BRSK1: variants seen among roughly 807,000 people sequenced by gnomAD.
BRSK1 encodes the protein serine/threonine-protein kinase BRSK1.
A neutral mutation model predicts 86.2 loss-of-function variants in BRSK1; 17 were observed. That is an observed-to-expected ratio of 0.20 (90% CI 0.14 to 0.30). The LOEUF (loss-of-function observed/expected upper bound fraction) is 0.30, where lower values mean the gene tolerates loss of function less well. Ranked by LOEUF, BRSK1 falls within the 10% of genes least tolerant of loss-of-function variation. BRSK1 has a pLI of 1.00. For missense variants in BRSK1, 719 were observed against 1,071.9 expected, an observed-to-expected ratio of 0.67 and a Z score of 4.60; for synonymous variants, 464 against 440.1, an observed-to-expected ratio of 1.05 and a Z score of -0.68.
chr19:55,296,708 A>T (rs528422309), intron 7 of BRSK1, among the ~76,000 whole-genome samples: 1 of 151,930 alleles, frequency 6.6e-6, no homozygotes, highest in Non-Finnish European at 1.5e-5. Context: ...ATTAGCCGGG[A>T]GTGGTGGCGG....
chr19:55,301,899 C>G (rs944471339), intron 8 of BRSK1, among the ~76,000 whole-genome samples: 3 of 152,198 alleles, frequency 2.0e-5, no homozygotes, highest in African/African-American at 7.2e-5. Flanking sequence ...AGGAGGCGAA[C>G]AGGATGCCAC....
rs994439392 is a variant in BRSK1 at position 55,298,643 on chromosome 19, A to G, written c.679-2869A>G. Among the ~76,000 whole-genome samples, 4 of 152,236 alleles carry G rather than the reference A, an allele frequency of 2.6e-5. No individual in the cohort carries two copies. In the South Asian group the frequency reaches 6.2e-4, roughly 24 times the overall value. ...AACCTGAGCCGCCCACCCAAGGTGC[A>G]GGTTTCCGGCTGAGGTCAAACAAAG... On this transcript the variant is annotated intron_variant, in intron 7 of 18. Coordinates refer to ENST00000309383, the MANE Select transcript of BRSK1 (RefSeq NM_032430.2).
At chr19:55,301,931 C>T in intron 8 of BRSK1, 2 of 794,500 alleles carry the variant, frequency 2.5e-6, no homozygotes, top group Non-Finnish European at 4.3e-6. Flanking sequence ...CAAAGTAATG[C>T]GGCCGGTCCG....
At position 55,302,178 on chromosome 19, in the gene BRSK1, G is replaced by T. The variant is rs370592482; in HGVS notation, c.857+10G>T. The T allele has an allele frequency of 1.9e-6, 3 of 1,613,968 alleles. No individual in the cohort carries two copies. In the African/African-American group the frequency reaches 4.0e-5, roughly 22 times the overall value. On this transcript the variant is annotated intron_variant, in intron 9 of 18. Coordinates refer to ENST00000309383, the MANE Select transcript of BRSK1 (RefSeq NM_032430.2). This position sits in a 1 kb window ranked among gnomAD's most constrained non-coding sequence, Gnocchi z 6.3. ...AACATCCTTGGTACCTGTGAGTATGGGGTAACTGGACTCTTGGGTCCCTGG... is the reference window on the plus strand; with the variant it reads ...AACATCCTTGGTACCTGTGAGTATGTGGTAACTGGACTCTTGGGTCCCTGG...
At position 55,312,121 on chromosome 19, in the gene BRSK1, C is replaced by A; in HGVS notation, c.*53C>A. 1.3e-6 allele frequency: 1 copy of A among 766,208 alleles called. No homozygotes were observed. Among genetic ancestry groups the A allele is most frequent in the Non-Finnish European group, 2.0e-6 (1 of 492,186 alleles). The allele number at this position is 766,208 out of a possible 1,614,324, so 47.5% of individuals were successfully genotyped here. On this transcript the variant is annotated 3_prime_UTR_variant, in exon 19 of 19. Transcript: ENST00000309383. ...CCCCCTCCACCCCCCTTCCGTGCCC[C>A]CCAACTGTGAATCTGTAAATAAGGC...
Position 55,304,614 on chromosome 19 carries a change from C to T in BRSK1, c.1411C>T (p.Pro471Ser). Residue 471 changes from proline to serine, a missense_variant, in exon 14 of 19, where the codon CCG becomes TCG. This residue lies in a region of BRSK1 where 143 missense variants were observed against 120.1 expected (regional missense o/e 1.19). Transcript: ENST00000309383. This position sits in a 1 kb window ranked among gnomAD's most constrained non-coding sequence, Gnocchi z 5.2. ...AGDEARGGGSPTSKTQTLPSR... is the reference protein window; with the variant it reads ...AGDEARGGGSSTSKTQTLPSR... Reference sequence around the variant, plus strand: ...AGATGAGGCTCGAGGCGGGGGCTCCCCGACTTCCAAAACGCAGACGCTGCC... The same window carrying T: ...AGATGAGGCTCGAGGCGGGGGCTCCTCGACTTCCAAAACGCAGACGCTGCC... The T allele has an allele frequency of 1.3e-6, 2 of 1,562,104 alleles. No individual in the cohort carries two copies. Among genetic ancestry groups the T allele is most frequent in the Non-Finnish European group, 8.7e-7 (1 of 1,155,992 alleles).
At position 55,294,156 on chromosome 19, in the gene BRSK1, A is replaced by T; in HGVS notation, c.575+23A>T. ...CGGGTGAGTGGGGACTGGGCTCCCG[A>T]GACCCTGGGCAGGGGTTTAGAAGCT... On this transcript the variant is annotated intron_variant, in intron 5 of 18. Transcript: ENST00000309383. The surrounding 1 kb of genome is among the most constrained non-coding windows in gnomAD (Gnocchi z 4.9). The T allele has an allele frequency of 6.2e-7, 1 of 1,611,506 alleles. No homozygotes were observed. Among genetic ancestry groups the T allele is most frequent in the African/African-American group, 1.3e-5 (1 of 74,992 alleles).
At chr19:55,284,614 G>T (rs748415971) in intron 1 of BRSK1, 36 bp downstream of exon 1, 3 of 1,269,628 alleles carry the variant, frequency 2.4e-6, no homozygotes, top group African/African-American at 1.5e-5. Flanking sequence ...GGGGCGGGGG[G>T]CAGGGTGGAG....
intron 16 of BRSK1, among the ~76,000 whole-genome samples, chr19:55,305,798 A>T (rs757832796): frequency 2.0e-5 from 3 of 152,192 alleles, no homozygotes; most frequent in Non-Finnish European, 1.5e-5. Flanking sequence ...CTGAATTGCA[A>T]TGTCCTCAAG....
In BRSK1 at chr19:55,287,808, C is replaced by T. The variant is rs1042096564; in HGVS notation, c.317+509C>T. 4.6e-5 allele frequency among the ~76,000 whole-genome samples: 7 copies of T among 152,186 alleles called. No homozygotes were observed. The highest frequency in any genetic ancestry group is 2.1e-4 in the South Asian group (1 of 4,828). On this transcript the variant is annotated intron_variant, in intron 3 of 18. Transcript: ENST00000309383. This position sits in a 1 kb window ranked among gnomAD's most constrained non-coding sequence, Gnocchi z 5.3. ...AGTCACTATCTCAAAGTCAATCACC[C>T]GCCAGGAAGGATGGGGGTGGGGGTC...
chr19:55,303,125 T>G lies in BRSK1; in HGVS notation c.1029-186T>G. On this transcript the variant is annotated intron_variant, in intron 10 of 18. Coordinates refer to ENST00000309383, the MANE Select transcript of BRSK1 (RefSeq NM_032430.2). The surrounding 1 kb of genome is among the most constrained non-coding windows in gnomAD (Gnocchi z 5.1). ...CTTGCCTGGATGTTAGGTGTTACAG[T>G]GTTATTATAATTGAGTGAAACACAG... 1.6e-6 allele frequency: 1 copy of G among 634,622 alleles called. No homozygotes were observed. 39.3% of individuals were successfully genotyped at this position (634,622 alleles called of 1,614,324 possible).
chr19:55,301,700 G>A (rs944397888), intron 8 of BRSK1, 42 bp downstream of exon 8: 2 of 1,593,166 alleles, frequency 1.3e-6, no homozygotes, highest in East Asian at 2.2e-5. Context: ...AACAGTGGCC[G>A]ATGAAGACAG....
chr19:55,293,681 C>T (rs976692997), intron 4 of BRSK1, among the ~76,000 whole-genome samples: 1 of 143,118 alleles, frequency 7.0e-6, no homozygotes, highest in East Asian at 2.2e-4. Flanking sequence ...CATGGTGGTG[C>T]GGCCTGTAGT....
At chr19:55,296,173 C>A (rs575491180) in intron 7 of BRSK1, among the ~76,000 whole-genome samples, 1 of 152,200 alleles carries the variant, frequency 6.6e-6, no homozygotes, top group South Asian at 2.1e-4. Context: ...AGGTCAGACC[C>A]CCCTGTGGTA....
intron 4 of BRSK1, among the ~76,000 whole-genome samples, chr19:55,292,452 A>C (rs2607336): frequency 0.5 from 75,508 of 152,022 alleles, 19,088 homozygotes; most frequent in Middle Eastern, 0.6. Flanking sequence ...TGGCCCTAAG[A>C]TGATCATGGA....
rs2088807035 is a variant in BRSK1 at position 55,311,904 on chromosome 19, C to CGGG, written c.2180-7_2180-6insGGG. On this transcript the variant is annotated splice_region_variant and splice_polypyrimidine_tract_variant and intron_variant, in intron 18 of 18. Transcript: ENST00000309383. ...GAACCCACGAAAAACCTCTTCCTCCCTTGCAGACGAGAAGAACGGGGCCCA... is the reference window on the plus strand; with the variant it reads ...GAACCCACGAAAAACCTCTTCCTCCCGGGTTGCAGACGAGAAGAACGGGGCCCA... 4.3e-6 allele frequency: 7 copies of CGGG among 1,611,292 alleles called. No homozygotes were observed. The East Asian group carries it at 1.6e-4, about 36-fold the overall frequency.
intron 1 of BRSK1, among the ~76,000 whole-genome samples, chr19:55,285,537 G>A (rs1374267725): frequency 6.6e-6 from 1 of 152,168 alleles, no homozygotes; most frequent in African/African-American, 2.4e-5. Context: ...GCAGCAGGTT[G>A]GGGTGACAGG....
rs71367170 is a variant in BRSK1 at position 55,306,544 on chromosome 19, G to A, written c.2089+94G>A. ...GGGCCCAGGAGTGCAGCAGCAGGAG[G>A]AGGAAATGGTGTTCAGCTGGTGCCG... is the stretch of plus-strand genomic sequence containing the variant. On this transcript the variant is annotated intron_variant, in intron 17 of 18. Coordinates refer to ENST00000309383, the MANE Select transcript of BRSK1 (RefSeq NM_032430.2). The surrounding 1 kb of genome is among the most constrained non-coding windows in gnomAD (Gnocchi z 4.7). 0.085 allele frequency: 123,771 copies of A among 1,450,418 alleles called. 5,961 individuals are homozygous for A. Among genetic ancestry groups the A allele is most frequent in the Middle Eastern group, 0.13 (559 of 4,434 alleles). 89.8% of individuals were successfully genotyped at this position (1,450,418 alleles called of 1,614,324 possible).
chr19:55,288,579 G>C, intron 3 of BRSK1, among the ~76,000 whole-genome samples: 2 of 151,856 alleles, frequency 1.3e-5, no homozygotes, highest in East Asian at 3.9e-4. Context: ...GAGTTTGGGG[G>C]TTTTTTTGTT....
Sources: allele counts gnomAD v4.1 joint callset (sites outside exome capture counted in the v4.1 genomes callset), GRCh38; gene constraint gnomAD v4.1.1; regional missense constraint gnomAD v4.1.1; non-coding constraint Gnocchi (gnomAD v3.1); transcripts MANE v1.5; gene names NCBI Gene and HGNC (gene_info 2026-07-23, HGNC 2026-07-21).